NELL1: variants seen among roughly 807,000 people sequenced by gnomAD.
NELL1 encodes the protein neural EGFL like 1.
NELL1 carries 76 observed loss-of-function variants against 107.4 expected under a neutral mutation model. The ratio of observed to expected loss-of-function variants is 0.71; its 90% CI spans 0.59 to 0.86. The LOEUF (loss-of-function observed/expected upper bound fraction) is 0.86, where lower values mean the gene tolerates loss of function less well. Among genes scored for constraint, NELL1 ranks in the 40% least tolerant of loss-of-function variants. NELL1 has a pLI of 0.00. For synonymous variants in NELL1, 353 were observed against 341.2 expected (o/e 1.03, Z -0.38); for missense variants, 1,024 against 1,005.5 (o/e 1.02, Z -0.25).
chr11:21,077,604 G>A (rs761563442), intron 12 of NELL1, among the ~76,000 whole-genome samples: 17 of 152,004 alleles, frequency 1.1e-4, no homozygotes, highest in South Asian at 2.1e-4. Flanking sequence ...TTACCCTGGC[G>A]TGGTGGCACG....
At chr11:20,744,050 C>T (rs1855948736) in intron 2 of NELL1, among the ~76,000 whole-genome samples, 1 of 152,190 alleles carries the variant, frequency 6.6e-6, no homozygotes, top group Non-Finnish European at 1.5e-5. Context: ...ACCATCTCCT[C>T]TACCTCCAAA....
chr11:21,195,680 A>G (rs2133841342), intron 13 of NELL1, among the ~76,000 whole-genome samples: 1 of 152,094 alleles, frequency 6.6e-6, no homozygotes, highest in African/African-American at 2.4e-5. Flanking sequence ...TTAATGAGAT[A>G]TTTTACATTC....
intron 12 of NELL1, among the ~76,000 whole-genome samples, chr11:20,977,437 T>A (rs1365130100): frequency 6.6e-6 from 1 of 151,964 alleles, no homozygotes. Flanking sequence ...GCTAATTTTT[T>A]TGTATTTTAC....
chr11:21,384,305 AATGGCCT>A, intron 15 of NELL1, among the ~76,000 whole-genome samples: 1 of 151,980 alleles, frequency 6.6e-6, no homozygotes, highest in Middle Eastern at 3.4e-3. Context: ...AAATTATTAC[AATGGCCT>A]ATAAGGCCCT....
At chr11:21,555,256 A>G (rs1305431465) in intron 16 of NELL1, among the ~76,000 whole-genome samples, 1 of 151,930 alleles carries the variant, frequency 6.6e-6, no homozygotes, top group East Asian at 1.9e-4. Flanking sequence ...ATATTCCAGA[A>G]GGGTCACAGA....
Position 21,061,947 on chromosome 11 carries a change from A to G in NELL1, c.1301-51642A>G, listed in dbSNP as rs148430261. 8.1e-3 allele frequency among the ~76,000 whole-genome samples: 1,239 copies of G among 152,290 alleles called. 27 individuals are homozygous for G. The East Asian group carries it at 0.088, about 11-fold the overall frequency. On this transcript the variant is annotated intron_variant, in intron 12 of 19. Coordinates refer to ENST00000357134, the MANE Select transcript of NELL1 (RefSeq NM_006157.5). ...CCTCCAACTCAGCCTTAGTCTTTCTATTCTCTCTCCTTGAAGGGAGTGAGT... is the reference window on the plus strand; with the variant it reads ...CCTCCAACTCAGCCTTAGTCTTTCTGTTCTCTCTCCTTGAAGGGAGTGAGT...
intron 12 of NELL1, among the ~76,000 whole-genome samples, chr11:21,046,448 A>G (rs1313957297): frequency 6.6e-6 from 1 of 152,100 alleles, no homozygotes; most frequent in Non-Finnish European, 1.5e-5. Context: ...TGCAGGCTCA[A>G]TTCTCTCTCT....
At chr11:21,486,521 T>C (rs1057164144) in intron 15 of NELL1, among the ~76,000 whole-genome samples, 3 of 152,166 alleles carry the variant, frequency 2.0e-5, no homozygotes, top group Non-Finnish European at 4.4e-5. Flanking sequence ...AAGTGACTGT[T>C]ATACAAGCTA....
At chr11:21,396,751 T>G (rs1382972447) in intron 15 of NELL1, among the ~76,000 whole-genome samples, 1 of 151,526 alleles carries the variant, frequency 6.6e-6, no homozygotes, top group African/African-American at 2.4e-5. Context: ...AAAATTGTCA[T>G]GAATGAAAGG....
intron 15 of NELL1, among the ~76,000 whole-genome samples, chr11:21,480,519 A>G (rs916697845): frequency 3.9e-5 from 6 of 152,216 alleles, no homozygotes; most frequent in Non-Finnish European, 8.8e-5. Flanking sequence ...TCGGCCACGG[A>G]TATGCTAAAT....
intron 14 of NELL1, among the ~76,000 whole-genome samples, chr11:21,299,822 A>T (rs570191241): frequency 2.0e-5 from 3 of 151,952 alleles, no homozygotes; most frequent in Non-Finnish European, 4.4e-5. Flanking sequence ...TTATATTTTG[A>T]ATACTTTTAT....
At chr11:21,533,709 A>C (rs2133970075) in intron 15 of NELL1, among the ~76,000 whole-genome samples, 1 of 152,318 alleles carries the variant, frequency 6.6e-6, no homozygotes, top group African/African-American at 2.4e-5. Flanking sequence ...AAGAATGAGA[A>C]TCTCTGATGG....
intron 15 of NELL1, among the ~76,000 whole-genome samples, chr11:21,413,838 A>G (rs1852438021): frequency 1.3e-5 from 2 of 152,052 alleles, no homozygotes; most frequent in South Asian, 4.1e-4. Context: ...ATCCTTCCAG[A>G]GGTAAAATGC....
intron 5 of NELL1, among the ~76,000 whole-genome samples, chr11:20,886,231 G>T (rs537233601): frequency 6.6e-6 from 1 of 152,000 alleles, no homozygotes; most frequent in South Asian, 2.1e-4. Flanking sequence ...ACAAACCTGC[G>T]TGTGTACCCC....
chr11:20,757,804 G>A (rs965007380), intron 2 of NELL1, among the ~76,000 whole-genome samples: 1 of 151,772 alleles, frequency 6.6e-6, no homozygotes, highest in Non-Finnish European at 1.5e-5. Flanking sequence ...TCCTTTTTTT[G>A]CAATTTTGGT....
chr11:21,271,273 C>A (rs562088421), intron 14 of NELL1, among the ~76,000 whole-genome samples: 1 of 152,100 alleles, frequency 6.6e-6, no homozygotes, highest in South Asian at 2.1e-4. Flanking sequence ...AGAAGGAAGA[C>A]AAATCACTAA....
chr11:21,447,947 A>T (rs77959406), intron 15 of NELL1, among the ~76,000 whole-genome samples: 7,219 of 152,126 alleles, frequency 0.047, 571 homozygotes, highest in African/African-American at 0.16. Context: ...GCTAATCTAA[A>T]TGCTCTTTCC....
intron 2 of NELL1, among the ~76,000 whole-genome samples, chr11:20,712,242 T>C (rs1855131960): frequency 6.6e-6 from 1 of 152,170 alleles, no homozygotes; most frequent in African/African-American, 2.4e-5. Context: ...TTCTAGTCTA[T>C]TGTTGAAACT....
intron 13 of NELL1, among the ~76,000 whole-genome samples, chr11:21,142,881 C>T (rs1354454434): frequency 6.6e-6 from 1 of 152,182 alleles, no homozygotes; most frequent in East Asian, 1.9e-4. Context: ...CTAATGGATA[C>T]ATAGGCCCTA....
Sources: gnomAD v4.1 joint callset for allele counts (sites outside exome capture counted in the v4.1 genomes callset) on GRCh38, gnomAD v4.1.1 for gene constraint, MANE v1.5 for transcripts, NCBI Gene and HGNC (gene_info 2026-07-23, HGNC 2026-07-21) for gene names.